The following CTNNBL1 variants were observed in gnomAD, a reference collection of about 807,000 sequenced individuals.
CTNNBL1 encodes the protein beta-catenin-like protein 1.
In CTNNBL1, 31 loss-of-function variants were observed where a neutral mutation model predicts 72.7. That is an observed-to-expected ratio of 0.43 (90% CI 0.32 to 0.58). The LOEUF (loss-of-function observed/expected upper bound fraction) is 0.58, where lower values mean the gene tolerates loss of function less well. CTNNBL1 is among the 20% of genes least tolerant of loss of function. The pLI is 0.08. For missense variants in CTNNBL1, 534 were observed against 725.1 expected (o/e 0.74, Z 3.03); for synonymous variants, 240 against 267.3 (o/e 0.90, Z 1.00).
At chr20:37,743,960 TAAAACCTTTATGTCAAAAGGAAAAA>T (rs2073240537) in intron 3 of CTNNBL1, among the ~76,000 whole-genome samples, 1 of 152,118 alleles carries the variant, frequency 6.6e-6, no homozygotes, top group Non-Finnish European at 1.5e-5. Context: ...TTGAACTTTT[TAAAACCTTTATGTCAAAAGGAAAAA>T]AAAACCTTTA....
At chr20:37,787,268 C>T (rs1306796293) in intron 10 of CTNNBL1, among the ~76,000 whole-genome samples, 1 of 151,920 alleles carries the variant, frequency 6.6e-6, no homozygotes, top group Non-Finnish European at 1.5e-5. Context: ...ATTATAGGCA[C>T]CTGCTACCAC....
In CTNNBL1 at chr20:37,737,482, G is replaced by C; in HGVS notation, c.324G>C (p.Glu108Asp). ...GGATTAAGTTTCCAGACAATCCAGA[G>C]AAGTAAGGTTCTGTTCCACTGATAC... ...ELRIKFPDNP[E>D]KFMESELDLN... The change falls in exon 3 of 16, where the codon GAG (glutamate) becomes GAC (aspartate). Residue 108 changes from glutamate to aspartate, a missense_variant and splice_region_variant. Transcript: ENST00000361383. The C allele has an allele frequency of 6.2e-7, 1 of 1,600,420 alleles. No individual in the cohort carries two copies. The highest frequency in any genetic ancestry group is 8.6e-7 in the Non-Finnish European group (1 of 1,168,918).
intron 15 of CTNNBL1, among the ~76,000 whole-genome samples, chr20:37,868,928 A>G (rs947597797): frequency 1.3e-5 from 2 of 152,278 alleles, no homozygotes; most frequent in East Asian, 3.9e-4. Flanking sequence ...CTCCGGGGAT[A>G]TTAGATGCCA....
intron 11 of CTNNBL1, among the ~76,000 whole-genome samples, chr20:37,823,398 G>A (rs1246831236): frequency 6.6e-6 from 1 of 152,214 alleles, no homozygotes; most frequent in Non-Finnish European, 1.5e-5. Context: ...TGGGTCTGCA[G>A]CAAGTTTTTC....
intron 12 of CTNNBL1, among the ~76,000 whole-genome samples, chr20:37,840,890 A>G (rs2072298554): frequency 6.6e-6 from 1 of 152,088 alleles, no homozygotes. Flanking sequence ...CAATTACATG[A>G]GATTAGATGG....
At chr20:37,737,333 A>C in intron 2 of CTNNBL1, 45 bp from the exon 3 acceptor site, 7 of 1,354,626 alleles carry the variant, frequency 5.2e-6, no homozygotes, top group South Asian at 1.2e-5. Context: ...AATGAATGTG[A>C]AACCCCTGTG....
chr20:37,783,046 C>A (rs559677491), intron 10 of CTNNBL1, among the ~76,000 whole-genome samples: 1 of 152,094 alleles, frequency 6.6e-6, no homozygotes, highest in African/African-American at 2.4e-5. Flanking sequence ...CCCAAAGGTT[C>A]CCTTGCATGC....
At chr20:37,776,963 A>T (rs1341026671) in intron 7 of CTNNBL1, among the ~76,000 whole-genome samples, 1 of 152,162 alleles carries the variant, frequency 6.6e-6, no homozygotes, top group Non-Finnish European at 1.5e-5. Flanking sequence ...GCCTAATTTC[A>T]TGATTGTAAC....
chr20:37,821,526 C>A (rs113333249), intron 11 of CTNNBL1, among the ~76,000 whole-genome samples: 23 of 152,142 alleles, frequency 1.5e-4, no homozygotes, highest in African/African-American at 5.6e-4. Flanking sequence ...TTGTTCCCCT[C>A]CTCTCTTTTT....
rs1568757524 is a variant in CTNNBL1, at chr20:37,737,400, C to T, written c.242C>T (p.Ser81Leu). Residue 81 changes from serine to leucine, a missense_variant, in exon 3 of 16, where the codon TCA becomes TTA. Ser to Leu is a moderately radical substitution (Grantham distance 145). Transcript: ENST00000361383. ...EEEEEPLDES[S>L]VKKMILTFEK... ...CAGGAGGAGCCATTGGATGAAAGCT[C>T]AGTGAAGAAAATGATCCTCACATTT... The T allele has an allele frequency of 6.2e-7, 1 of 1,613,438 alleles. No homozygotes were observed. The highest frequency in any genetic ancestry group is 1.7e-5 in the Admixed American group (1 of 59,968).
chr20:37,716,525 AT>A (rs1159271937), intron 1 of CTNNBL1, among the ~76,000 whole-genome samples: 5 of 152,260 alleles, frequency 3.3e-5, no homozygotes, highest in African/African-American at 1.2e-4. Flanking sequence ...AAATGGAGGT[AT>A]TTTGCTAGCT....
At chr20:37,825,555 A>G (rs2072152317) in intron 11 of CTNNBL1, among the ~76,000 whole-genome samples, 1 of 152,050 alleles carries the variant, frequency 6.6e-6, no homozygotes, top group Non-Finnish European at 1.5e-5. Context: ...GGCGCCTGTA[A>G]TCTCAGTTGC....
At chr20:37,695,115 A>G (rs541852785) in intron 1 of CTNNBL1, 1 of 152,322 alleles carries the variant, frequency 6.6e-6, no homozygotes, top group Admixed American at 6.5e-5. Flanking sequence ...CGTACTGATT[A>G]TATCAATTAC....
intron 10 of CTNNBL1, among the ~76,000 whole-genome samples, chr20:37,782,110 C>A (rs2073631021): frequency 6.6e-6 from 1 of 152,094 alleles, no homozygotes; most frequent in African/African-American, 2.4e-5. Flanking sequence ...CAAAACACTG[C>A]TAAGGTACTA....
intron 1 of CTNNBL1, among the ~76,000 whole-genome samples, chr20:37,716,666 A>T (rs1164844958): frequency 2.0e-5 from 3 of 152,234 alleles, no homozygotes; most frequent in Non-Finnish European, 4.4e-5. Flanking sequence ...ATCAACAGGC[A>T]TGTTTTGAGG....
intron 10 of CTNNBL1, among the ~76,000 whole-genome samples, chr20:37,800,566 C>A (rs929929917): frequency 1.3e-5 from 2 of 152,174 alleles, no homozygotes; most frequent in African/African-American, 2.4e-5. Flanking sequence ...GCCCACTGTA[C>A]TTATTATTTT....
At chr20:37,730,889 A>T (rs962994434) in intron 1 of CTNNBL1, among the ~76,000 whole-genome samples, 1 of 152,204 alleles carries the variant, frequency 6.6e-6, no homozygotes, top group Non-Finnish European at 1.5e-5. Context: ...AGGAGTCTGG[A>T]AGTGCCAGTT....
At chr20:37,796,754 G>A (rs973166809) in intron 10 of CTNNBL1, among the ~76,000 whole-genome samples, 8 of 152,268 alleles carry the variant, frequency 5.3e-5, no homozygotes, top group South Asian at 2.1e-4. Context: ...ATCACTGGCC[G>A]TCAGAAGCTC....
chr20:37,843,447 T>C (rs1243063571), intron 13 of CTNNBL1, among the ~76,000 whole-genome samples: 1 of 152,220 alleles, frequency 6.6e-6, no homozygotes, highest in Non-Finnish European at 1.5e-5. Flanking sequence ...GGGGCATGCC[T>C]CAGGCCAGAG....
Sources: allele counts gnomAD v4.1 joint callset (sites outside exome capture counted in the v4.1 genomes callset), GRCh38; gene constraint gnomAD v4.1.1; transcripts MANE v1.5; gene names NCBI Gene and HGNC (gene_info 2026-07-23, HGNC 2026-07-21).